IQCM: variants seen among roughly 807,000 people sequenced by gnomAD.
IQCM encodes IQ domain-containing protein M.
A neutral mutation model predicts 57.6 loss-of-function variants in IQCM; 45 were observed. That is an observed-to-expected ratio of 0.78 (90% CI 0.62 to 1.00). The LOEUF (loss-of-function observed/expected upper bound fraction) is 1.00. Ranked by LOEUF, IQCM falls within the 50% of genes least tolerant of loss-of-function variation. The probability of loss-of-function intolerance (pLI) is 0.00; values close to 1 mark genes in which losing one functional copy is unlikely to be tolerated. For synonymous variants in IQCM, 148 were observed against 158.9 expected (o/e 0.93, Z 0.51); for missense variants, 468 against 511.6 (o/e 0.91, Z 0.82).
At chr4:149,523,844 G>A (rs1579359637) in intron 12 of IQCM, among the ~76,000 whole-genome samples, 2 of 152,096 alleles carry the variant, frequency 1.3e-5, no homozygotes, top group East Asian at 3.9e-4. Flanking sequence ...TGATCTTCAA[G>A]TAAAAATAAT....
At chr4:149,797,023 G>A (rs978621879) in intron 2 of IQCM, among the ~76,000 whole-genome samples, 1 of 151,998 alleles carries the variant, frequency 6.6e-6, no homozygotes, top group Non-Finnish European at 1.5e-5. Context: ...CACCTACGAA[G>A]TATCAAGACA....
chr4:149,683,171 G>A (rs946992943), intron 6 of IQCM, among the ~76,000 whole-genome samples: 4 of 150,892 alleles, frequency 2.7e-5, no homozygotes, highest in Non-Finnish European at 4.5e-5. Context: ...CATACTGATC[G>A]CTTATTTACC....
Position 149,709,539 on chromosome 4 carries a change from T to C in IQCM, c.386-23071A>G, listed in dbSNP as rs374596296. On this transcript the variant is annotated intron_variant, in intron 5 of 13. Coordinates refer to ENST00000636793, the MANE Select transcript of IQCM (RefSeq NM_001363507.2). ...ATCTCATTTGATCCTCACAGCAATA[T>C]AGTCAGCAGTTATTTTTATCATCAG... Among the ~76,000 whole-genome samples the C allele has an allele frequency of 1.1e-4, 16 of 152,230 alleles. No individual in the cohort carries two copies. The East Asian group carries it at 2.7e-3, about 26-fold the overall frequency.
intron 5 of IQCM, among the ~76,000 whole-genome samples, chr4:149,689,140 CAA>C (rs980128307): frequency 2.0e-5 from 3 of 151,962 alleles, no homozygotes; most frequent in African/African-American, 7.2e-5. Context: ...TTCACAATAG[CAA>C]AGACTTGGAA....
chr4:149,813,040 A>C (rs1215948954), intron 2 of IQCM, among the ~76,000 whole-genome samples: 1 of 152,196 alleles, frequency 6.6e-6, no homozygotes, highest in Non-Finnish European at 1.5e-5. Context: ...ATTGCATTAA[A>C]ATATTACATT....
At chr4:149,413,596 G>C (rs1733542805) in intron 13 of IQCM, among the ~76,000 whole-genome samples, 1 of 152,158 alleles carries the variant, frequency 6.6e-6, no homozygotes, top group South Asian at 2.1e-4. Context: ...CAATGAAATA[G>C]AGAAAAGTAA....
chr4:149,451,021 T>A (rs1034914103), intron 12 of IQCM, among the ~76,000 whole-genome samples: 1 of 151,814 alleles, frequency 6.6e-6, no homozygotes, highest in Non-Finnish European at 1.5e-5. Flanking sequence ...AAGAATGAGA[T>A]CCTGTCATTT....
chr4:149,365,081 G>T (rs948746634), intron 13 of IQCM, among the ~76,000 whole-genome samples: 6 of 152,062 alleles, frequency 3.9e-5, no homozygotes, highest in African/African-American at 1.4e-4. Context: ...CACTTCAGTA[G>T]CAATGAGCAC....
intron 2 of IQCM, 59 bp from the exon 3 acceptor site, chr4:149,742,798 C>CT: frequency 1.3e-6 from 1 of 767,300 alleles, no homozygotes; most frequent in Non-Finnish European, 1.8e-6. Context: ...TTAGCTATTT[C>CT]TTTTGCTCAC....
chr4:149,771,343 T>C (rs1770559768), intron 2 of IQCM, among the ~76,000 whole-genome samples: 1 of 152,042 alleles, frequency 6.6e-6, no homozygotes, highest in African/African-American at 2.4e-5. Context: ...AAGTCATATA[T>C]AGGCAAAAGA....
chr4:149,548,341 AAAGT>A, intron 12 of IQCM, 110 bp downstream of exon 12: 3 of 880,408 alleles, frequency 3.4e-6, no homozygotes, highest in Non-Finnish European at 4.5e-6. Context: ...AAGTTTAGTA[AAAGT>A]AAGGGAAGGA....
chr4:149,679,466 T>C (rs1762013980), intron 7 of IQCM, among the ~76,000 whole-genome samples: 1 of 151,558 alleles, frequency 6.6e-6, no homozygotes, highest in Non-Finnish European at 1.5e-5. Context: ...GCAGGGTAAC[T>C]ACAGTTTACA....
chr4:149,462,768 T>C (rs1738442411), intron 12 of IQCM, among the ~76,000 whole-genome samples: 1 of 152,164 alleles, frequency 6.6e-6, no homozygotes, highest in African/African-American at 2.4e-5. Context: ...GAGCTGGGTT[T>C]ACACCACAGT....
rs561417112 is a variant in IQCM at position 149,558,806 on chromosome 4, C to A, written c.948+4886G>T. Among the ~76,000 whole-genome samples the A allele has an allele frequency of 2.0e-4, 30 of 152,240 alleles. No individual in the cohort carries two copies. The South Asian group carries it at 6.0e-3, about 30-fold the overall frequency. On this transcript the variant is annotated intron_variant, in intron 10 of 13. Transcript: ENST00000636793. Reference sequence around the variant, plus strand: ...CTTCTTCCATGAAAGAATTTAAGAACTACTGATAAATCCCAAGTCTTTCTA... The same window carrying A: ...CTTCTTCCATGAAAGAATTTAAGAAATACTGATAAATCCCAAGTCTTTCTA...
chr4:149,488,365 C>A (rs2149769190), intron 12 of IQCM, among the ~76,000 whole-genome samples: 1 of 152,218 alleles, frequency 6.6e-6, no homozygotes, highest in South Asian at 2.1e-4. Context: ...CCAACTATTT[C>A]AAAATGATAA....
chr4:149,620,335 C>T (rs1393202422), intron 8 of IQCM, among the ~76,000 whole-genome samples: 1 of 151,926 alleles, frequency 6.6e-6, no homozygotes. Context: ...TTAATCCATC[C>T]AGTCTGTGGT....
At chr4:149,661,468 CA>C (rs1340030722) in intron 7 of IQCM, among the ~76,000 whole-genome samples, 1 of 152,084 alleles carries the variant, frequency 6.6e-6, no homozygotes, top group Non-Finnish European at 1.5e-5. Context: ...GCTGGCCTCA[CA>C]AAATGAGCTT....
intron 5 of IQCM, among the ~76,000 whole-genome samples, chr4:149,722,497 T>C (rs2149858263): frequency 6.6e-6 from 1 of 152,224 alleles, no homozygotes; most frequent in Non-Finnish European, 1.5e-5. Flanking sequence ...GTTTCATTCT[T>C]CTACATGTGG....
chr4:149,693,973 T>G (rs1445415222), intron 5 of IQCM, among the ~76,000 whole-genome samples: 1 of 152,174 alleles, frequency 6.6e-6, no homozygotes, highest in African/African-American at 2.4e-5. Flanking sequence ...GCACTCATTG[T>G]TTGGTTGGCC....
Sources: gnomAD v4.1 joint callset for allele counts (sites outside exome capture counted in the v4.1 genomes callset) on GRCh38, gnomAD v4.1.1 for gene constraint, MANE v1.5 for transcripts, NCBI Gene and HGNC (gene_info 2026-07-23, HGNC 2026-07-21) for gene names.